IL1RAPL2: variants seen among roughly 807,000 people sequenced by gnomAD.
The protein encoded by IL1RAPL2 is interleukin 1 receptor accessory protein like 2, also known as X-linked interleukin-1 receptor accessory protein-like 2.
In IL1RAPL2, 3 loss-of-function variants were observed where a neutral mutation model predicts 44.1. That is an observed-to-expected ratio of 0.07 (90% CI 0.03 to 0.18). The LOEUF (loss-of-function observed/expected upper bound fraction) is 0.18. Ranked by LOEUF, IL1RAPL2 falls within the 10% of genes least tolerant of loss-of-function variation. IL1RAPL2 has a pLI of 1.00. For missense variants in IL1RAPL2, 391 were observed against 496.4 expected (o/e 0.79, Z 2.02); for synonymous variants, 181 against 178.8 (o/e 1.01, Z -0.10).
At chrX:105,640,607 C>T (rs1190721683) in intron 6 of IL1RAPL2, among the ~76,000 whole-genome samples, 1 of 94,904 alleles carries the variant, frequency 1.1e-5, no homozygotes, top group Non-Finnish European at 2.1e-5. Context: ...TTTTTAAAAA[C>T]TAGTGCAAGC....
intron 2 of IL1RAPL2, among the ~76,000 whole-genome samples, chrX:105,011,613 T>C (rs926932891): frequency 1.8e-5 from 2 of 111,586 alleles, no homozygotes; most frequent in African/African-American, 6.5e-5. Context: ...GTTAGAAAGG[T>C]TCATCAATGT....
chrX:105,440,134 A>G (rs1391805763), intron 5 of IL1RAPL2, among the ~76,000 whole-genome samples: 2 of 112,138 alleles, frequency 1.8e-5, no homozygotes, highest in East Asian at 2.8e-4. Context: ...AATTATCCAT[A>G]CTACAGACCT....
At position 104,870,056 on chromosome X, in the gene IL1RAPL2, A is replaced by G. The variant is rs187041977; in HGVS notation, c.82+211061A>G. On this transcript the variant is annotated intron_variant, in intron 2 of 10. Coordinates refer to ENST00000372582, the MANE Select transcript of IL1RAPL2 (RefSeq NM_017416.2). ...TCTGGGATGTTGTGGTTTTTCCACT[A>G]TCACTACAATAAAAATATTACCATT... Among the ~76,000 whole-genome samples the G allele has an allele frequency of 6.9e-3, 778 of 112,277 alleles. 5 individuals carry two copies. The highest frequency in any genetic ancestry group is 0.018 in the Admixed American group (187 of 10,570).
At chrX:105,091,435 A>C (rs920180965) in intron 2 of IL1RAPL2, among the ~76,000 whole-genome samples, 3 of 111,694 alleles carry the variant, frequency 2.7e-5, no homozygotes, top group Admixed American at 1.9e-4. Context: ...GACATTGGCT[A>C]TTAGATGTTA....
intron 6 of IL1RAPL2, among the ~76,000 whole-genome samples, chrX:105,630,431 C>A (rs2147834889): frequency 9.2e-6 from 1 of 109,188 alleles, no homozygotes; most frequent in Admixed American, 9.8e-5. Context: ...AGAGTTTACT[C>A]AAGGAAACAT....
intron 2 of IL1RAPL2, among the ~76,000 whole-genome samples, chrX:105,027,796 C>T (rs5963023): frequency 0.46 from 50,880 of 110,009 alleles, 9,309 homozygotes; most frequent in East Asian, 0.75. Flanking sequence ...AAAAATTGAG[C>T]TACCATATGA....
intron 5 of IL1RAPL2, chrX:105,406,091 T>C: frequency 1.7e-6 from 2 of 1,198,042 alleles, no homozygotes; most frequent in Non-Finnish European, 2.3e-6. Flanking sequence ...AGCATGCATC[T>C]TTTTGAGAGA....
At chrX:105,312,716 A>G (rs754140829) in intron 5 of IL1RAPL2, among the ~76,000 whole-genome samples, 1 of 111,247 alleles carries the variant, frequency 9.0e-6, no homozygotes, top group East Asian at 2.8e-4. Flanking sequence ...ATAACCTTAT[A>G]TAGTTTTTTT....
intron 3 of IL1RAPL2, among the ~76,000 whole-genome samples, chrX:105,202,421 G>T (rs1274455639): frequency 8.9e-6 from 1 of 112,505 alleles, no homozygotes; most frequent in Non-Finnish European, 1.9e-5. Context: ...ATGCAGGGTT[G>T]TAAACTCAAA....
intron 1 of IL1RAPL2, among the ~76,000 whole-genome samples, chrX:104,581,759 C>A (rs940855855): frequency 1.1e-4 from 12 of 111,381 alleles, no homozygotes; most frequent in Admixed American, 4.8e-4. Flanking sequence ...GAACTTCTGA[C>A]CTCAAGTGAT....
intron 2 of IL1RAPL2, among the ~76,000 whole-genome samples, chrX:104,735,617 T>C (rs753806455): frequency 1.8e-5 from 2 of 111,610 alleles, no homozygotes; most frequent in Non-Finnish European, 3.8e-5. Flanking sequence ...CATCCCACAG[T>C]AGGCTCTCTT....
intron 6 of IL1RAPL2, among the ~76,000 whole-genome samples, chrX:105,529,233 T>C (rs889125110): frequency 7.2e-5 from 8 of 111,638 alleles, no homozygotes; most frequent in Non-Finnish European, 1.5e-4. Flanking sequence ...TTTCCTTTTA[T>C]TGGTTATTCT....
At chrX:105,205,094 G>A (rs1180573639) in intron 3 of IL1RAPL2, among the ~76,000 whole-genome samples, 2 of 110,537 alleles carry the variant, frequency 1.8e-5, no homozygotes, top group African/African-American at 6.6e-5. Context: ...AGTGAAGAAG[G>A]GTCATGTTAG....
chrX:105,125,490 A>C (rs1238101220), intron 2 of IL1RAPL2, among the ~76,000 whole-genome samples: 1 of 111,283 alleles, frequency 9.0e-6, no homozygotes, highest in Admixed American at 9.6e-5. Context: ...GGCCAGTCAA[A>C]ATAACAAAAT....
intron 5 of IL1RAPL2, among the ~76,000 whole-genome samples, chrX:105,371,559 A>C: frequency 8.9e-6 from 1 of 111,859 alleles, no homozygotes; most frequent in Middle Eastern, 4.6e-3. Flanking sequence ...CATATTTGGT[A>C]TATATTTTTC....
intron 5 of IL1RAPL2, among the ~76,000 whole-genome samples, chrX:105,366,552 T>A (rs2147715039): frequency 9.0e-6 from 1 of 111,483 alleles, no homozygotes; most frequent in South Asian, 3.7e-4. Context: ...TCATTTTCTT[T>A]ATCTCAAGAT....
intron 2 of IL1RAPL2, among the ~76,000 whole-genome samples, chrX:104,816,703 A>G (rs767828939): frequency 1.1e-4 from 12 of 112,100 alleles, no homozygotes; most frequent in East Asian, 2.8e-4. Context: ...GTATAGCCCA[A>G]TGGTTAAATT....
intron 6 of IL1RAPL2, among the ~76,000 whole-genome samples, chrX:105,645,621 G>T (rs747951665): frequency 8.9e-6 from 1 of 111,996 alleles, no homozygotes; most frequent in South Asian, 3.7e-4. Flanking sequence ...CAAGGTAGTT[G>T]ATATCTCTGA....
chrX:105,418,352 C>T (rs2035749532), intron 5 of IL1RAPL2, among the ~76,000 whole-genome samples: 1 of 111,230 alleles, frequency 9.0e-6, no homozygotes, highest in Non-Finnish European at 1.9e-5. Flanking sequence ...TCAAATTCCC[C>T]CTTTTTGGTT....
Sources: gnomAD v4.1 joint callset for allele counts (sites outside exome capture counted in the v4.1 genomes callset) on GRCh38, gnomAD v4.1.1 for gene constraint, MANE v1.5 for transcripts, NCBI Gene and HGNC (gene_info 2026-07-23, HGNC 2026-07-21) for gene names.